The following PLCB1 variants were observed in gnomAD, a reference collection of about 807,000 sequenced individuals.
PLCB1 encodes the protein phospholipase C beta 1, also known as 1-phosphatidylinositol 4,5-bisphosphate phosphodiesterase beta-1.
In PLCB1, 46 loss-of-function variants were observed where a neutral mutation model predicts 161.8. That is an observed-to-expected ratio of 0.28 (90% CI 0.22 to 0.36). The LOEUF is 0.36. Among genes scored for constraint, PLCB1 ranks in the 10% least tolerant of loss-of-function variants. PLCB1 has a pLI of 1.00. For missense variants in PLCB1, 1,016 were observed against 1,472.5 expected (o/e 0.69, Z 5.07); for synonymous variants, 517 against 503.7 (o/e 1.03, Z -0.35).
chr20:8,812,193 C>T (rs778203889), intron 31 of PLCB1, among the ~76,000 whole-genome samples: 3 of 152,140 alleles, frequency 2.0e-5, no homozygotes, highest in Non-Finnish European at 4.4e-5. Flanking sequence ...AAGCCTGCCC[C>T]CTTCTTCCTC....
intron 2 of PLCB1, among the ~76,000 whole-genome samples, chr20:8,270,097 A>G (rs916100928): frequency 6.6e-6 from 1 of 152,140 alleles, no homozygotes; most frequent in Non-Finnish European, 1.5e-5. Flanking sequence ...CAGAATGATT[A>G]CCAAACAATC....
intron 3 of PLCB1, among the ~76,000 whole-genome samples, chr20:8,395,885 C>T (rs1173529557): frequency 6.6e-6 from 1 of 151,974 alleles, no homozygotes; most frequent in African/African-American, 2.4e-5. Flanking sequence ...GGATACTCTT[C>T]TCTGTAAATA....
At chr20:8,444,962 G>A (rs183226659) in intron 3 of PLCB1, among the ~76,000 whole-genome samples, 106 of 152,012 alleles carry the variant, frequency 7.0e-4, no homozygotes, top group African/African-American at 2.5e-3. Context: ...TGTCAGATAA[G>A]TAGATTGCAA....
chr20:8,360,439 T>C (rs1271773446), intron 2 of PLCB1, among the ~76,000 whole-genome samples: 11 of 152,214 alleles, frequency 7.2e-5, no homozygotes. Flanking sequence ...ATTGATTTTT[T>C]TTCAATCATT....
intron 3 of PLCB1, among the ~76,000 whole-genome samples, chr20:8,445,822 G>C (rs1253002095): frequency 1.3e-5 from 2 of 151,996 alleles, no homozygotes; most frequent in East Asian, 3.9e-4. Flanking sequence ...GTGAATGGGA[G>C]TTCACTCATG....
Position 8,787,801 on chromosome 20 carries a change from G to A in PLCB1, c.3112-648G>A, listed in dbSNP as rs777623486. On this transcript the variant is annotated intron_variant, in intron 27 of 31. Transcript: ENST00000338037. ...TAGATGTATGACAATAAATACTTGC[G>A]TTCACAGTGATGTAGTGACAGTTCA... Among the ~76,000 whole-genome samples the A allele has an allele frequency of 5.9e-5, 9 of 152,182 alleles. No homozygotes were observed. The South Asian group carries it at 6.2e-4, about 11-fold the overall frequency.
At chr20:8,710,323 G>A (rs780045558) in intron 12 of PLCB1, among the ~76,000 whole-genome samples, 2 of 152,004 alleles carry the variant, frequency 1.3e-5, no homozygotes, top group South Asian at 2.1e-4. Flanking sequence ...ACAGTACCAA[G>A]GGGAATGGTG....
intron 10 of PLCB1, among the ~76,000 whole-genome samples, chr20:8,685,598 G>A (rs1486280279): frequency 7.3e-5 from 11 of 151,076 alleles, no homozygotes; most frequent in South Asian, 2.1e-4. Context: ...TCAGCCAGGC[G>A]TGGTGGTGCG....
chr20:8,430,617 CA>C, intron 3 of PLCB1, among the ~76,000 whole-genome samples: 1 of 152,258 alleles, frequency 6.6e-6, no homozygotes, highest in South Asian at 2.1e-4. Flanking sequence ...CTAACTGCAG[CA>C]GTGCTGATTA....
intron 13 of PLCB1, among the ~76,000 whole-genome samples, chr20:8,716,993 C>T (rs1272324921): frequency 6.6e-6 from 1 of 152,210 alleles, no homozygotes; most frequent in African/African-American, 2.4e-5. Flanking sequence ...TTAAAGTAAC[C>T]TATCTTGTGG....
At position 8,659,182 on chromosome 20, in the gene PLCB1, A is replaced by C. The variant is rs141938233; in HGVS notation, c.862+478A>C. On this transcript the variant is annotated intron_variant, in intron 9 of 31. Coordinates refer to ENST00000338037, the MANE Select transcript of PLCB1 (RefSeq NM_015192.4). ...TTTTTCTACTTGGGGAAATAGTCTAAAATTTGGCTGTCTGTGTAAAAAAGC... is the reference window on the plus strand; with the variant it reads ...TTTTTCTACTTGGGGAAATAGTCTACAATTTGGCTGTCTGTGTAAAAAAGC... Among the ~76,000 whole-genome samples the C allele has an allele frequency of 1.9e-3, 282 of 152,256 alleles. 1 individual carries two copies. The highest frequency in any genetic ancestry group is 6.7e-3 in the African/African-American group (279 of 41,562).
At chr20:8,712,351 C>A (rs1979067658) in intron 12 of PLCB1, among the ~76,000 whole-genome samples, 1 of 152,036 alleles carries the variant, frequency 6.6e-6, no homozygotes, top group Non-Finnish European at 1.5e-5. Flanking sequence ...ACTGAAACTT[C>A]TGGTTTTCTC....
chr20:8,707,951 T>C (rs1031743732), intron 11 of PLCB1, among the ~76,000 whole-genome samples: 1 of 152,166 alleles, frequency 6.6e-6, no homozygotes, highest in Non-Finnish European at 1.5e-5. Flanking sequence ...TACATTTATA[T>C]GAAATAATTA....
At chr20:8,587,822 CTAGTAAAGTAGCCAGAGATTG>C (rs1388925234) in intron 3 of PLCB1, among the ~76,000 whole-genome samples, 2 of 152,136 alleles carry the variant, frequency 1.3e-5, no homozygotes, top group Non-Finnish European at 2.9e-5. Flanking sequence ...TGAGCTTTTT[CTAGTAAAGTAGCCAGAGATTG>C]TAGTTAGTAA....
At chr20:8,461,574 G>A (rs1981578423) in intron 3 of PLCB1, among the ~76,000 whole-genome samples, 1 of 152,100 alleles carries the variant, frequency 6.6e-6, no homozygotes, top group African/African-American at 2.4e-5. Flanking sequence ...ATTTCAGCAT[G>A]AATTTCTTTT....
chr20:8,798,382 G>T (rs1984128836), intron 31 of PLCB1, among the ~76,000 whole-genome samples: 1 of 152,160 alleles, frequency 6.6e-6, no homozygotes, highest in South Asian at 2.1e-4. Context: ...GCCAGTAAAA[G>T]ATTGTGTGTG....
intron 24 of PLCB1, among the ~76,000 whole-genome samples, chr20:8,758,141 GA>G (rs1192299539): frequency 6.6e-6 from 1 of 150,400 alleles, no homozygotes; most frequent in Non-Finnish European, 1.5e-5. Context: ...TGAAGGTGTG[GA>G]AAGGAGCTCC....
intron 2 of PLCB1, among the ~76,000 whole-genome samples, chr20:8,226,722 C>G (rs1325186209): frequency 1.3e-5 from 2 of 150,752 alleles, no homozygotes; most frequent in Admixed American, 6.6e-5. Context: ...AAATCTCACT[C>G]TGTCTCCCTG....
chr20:8,375,730 G>T (rs1987052389), intron 3 of PLCB1, among the ~76,000 whole-genome samples: 2 of 152,076 alleles, frequency 1.3e-5, no homozygotes, highest in South Asian at 4.1e-4. Context: ...AGGAAGTTGT[G>T]CTGTCTGCTG....
Sources: gnomAD v4.1 joint callset for allele counts (sites outside exome capture counted in the v4.1 genomes callset) on GRCh38, gnomAD v4.1.1 for gene constraint, MANE v1.5 for transcripts, NCBI Gene and HGNC (gene_info 2026-07-23, HGNC 2026-07-21) for gene names.